Variants in TRPA1 observed in about 807,000 individuals in gnomAD.
TRPA1 encodes ankyrin-like with transmembrane domains 1.
TRPA1 carries 129 observed loss-of-function variants against 131.3 expected under a neutral mutation model. The observed-to-expected ratio is 0.98, with a 90% CI of 0.85 to 1.14. The LOEUF is 1.14. Among genes scored for constraint, TRPA1 ranks in the 50% most tolerant of loss-of-function variants. The pLI is 0.00. For synonymous variants in TRPA1, 441 were observed against 451.7 expected, an observed-to-expected ratio of 0.98 and a Z score of 0.30; for missense variants, 1,304 against 1,354.2, an observed-to-expected ratio of 0.96 and a Z score of 0.58.
At chr8:72,039,585 C>T in intron 18 of TRPA1, 142 bp downstream of exon 18, 2 of 610,794 alleles carry the variant, frequency 3.3e-6, no homozygotes, top group South Asian at 4.2e-5. Flanking sequence ...AGGGCATTTG[C>T]CTTACTTATT....
intron 25 of TRPA1, 87 bp from the exon 26 acceptor site, chr8:72,023,998 G>T: frequency 1.2e-6 from 1 of 845,028 alleles, no homozygotes; most frequent in South Asian, 1.3e-5. Context: ...ACCACCACTG[G>T]TACCAATATG....
At chr8:72,075,261 C>G (rs771116661) in intron 1 of TRPA1, 38 bp downstream of exon 1, 1 of 1,531,240 alleles carries the variant, frequency 6.5e-7, no homozygotes, top group Non-Finnish European at 9.0e-7. Flanking sequence ...CCCGCCCGCA[C>G]GTCGGAACCC....
At chr8:72,061,557 C>T in intron 7 of TRPA1, 68 bp downstream of exon 7, 1 of 1,591,348 alleles carries the variant, frequency 6.3e-7, no homozygotes, top group Admixed American at 1.7e-5. Flanking sequence ...CTAACTGCTC[C>T]TTGCAATGTC....
intron 17 of TRPA1, among the ~76,000 whole-genome samples, chr8:72,043,444 G>A (rs2129434367): frequency 6.6e-6 from 1 of 151,842 alleles, no homozygotes; most frequent in African/African-American, 2.4e-5. Context: ...GGATATAGTA[G>A]TTTATTAAGA....
At chr8:72,029,994 C>T (rs1229482976) in intron 23 of TRPA1, 25 bp from the exon 24 acceptor site, 2 of 1,604,362 alleles carry the variant, frequency 1.2e-6, no homozygotes, top group South Asian at 2.2e-5. Context: ...AAAATTAAAT[C>T]ACTACAGTTG....
rs1420301055 is a variant in TRPA1, at chr8:72,025,104, TCGTGTGTGTGTGTG to T, written c.3051+842_3051+855del. ...TATAGTGGATGCTGTGTGTGTGTGTTCGTGTGTGTGTGTGTGTGTGTGTGTGTGTGTGCGTGCTA... is the reference window on the plus strand; with the variant it reads ...TATAGTGGATGCTGTGTGTGTGTGTTTGTGTGTGTGTGTGTGTGCGTGCTA... On this transcript the variant is annotated intron_variant, in intron 25 of 26. Transcript: ENST00000262209. Among the ~76,000 whole-genome samples, 55 of 125,680 alleles carry T rather than the reference TCGTGTGTGTGTGTG, an allele frequency of 4.4e-4. No homozygotes were observed. The East Asian group carries it at 9.5e-3, about 22-fold the overall frequency. 82.5% of individuals were successfully genotyped at this position (125,680 alleles called of 152,430 possible).
chr8:72,034,750 C>A (rs1296281063), intron 21 of TRPA1, among the ~76,000 whole-genome samples: 1 of 152,112 alleles, frequency 6.6e-6, no homozygotes, highest in Non-Finnish European at 1.5e-5. Context: ...AGGCATCACC[C>A]CCAGGCTGAT....
At chr8:72,030,801 T>C (rs780098166) in intron 23 of TRPA1, among the ~76,000 whole-genome samples, 1 of 152,260 alleles carries the variant, frequency 6.6e-6, no homozygotes, top group South Asian at 2.1e-4. Context: ...ACATATACTA[T>C]AGGGGCAGGA....
intron 1 of TRPA1, among the ~76,000 whole-genome samples, chr8:72,073,232 T>C (rs1263468420): frequency 6.6e-6 from 1 of 152,208 alleles, no homozygotes; most frequent in African/African-American, 2.4e-5. Flanking sequence ...GGCCAAAAGG[T>C]TGGAAACTAA....
the TRPA1 span, among the ~76,000 whole-genome samples, chr8:72,080,714 C>A: frequency 1.3e-5 from 2 of 151,608 alleles, no homozygotes; most frequent in African/African-American, 4.8e-5. Context: ...ATTACTAATT[C>A]AATTTTTATC....
intron 24 of TRPA1, 149 bp downstream of exon 24, chr8:72,029,752 T>C (rs1811740924): frequency 2.4e-6 from 2 of 826,936 alleles, no homozygotes. Flanking sequence ...ATCAGGAGGG[T>C]AAATGGCACA....
chr8:72,050,682 C>T (rs1805479769), intron 15 of TRPA1, 96 bp downstream of exon 15: 8 of 873,256 alleles, frequency 9.2e-6, no homozygotes, highest in South Asian at 5.6e-5. Context: ...AAATGAGAAG[C>T]TTTGTTTAAA....
intron 17 of TRPA1, among the ~76,000 whole-genome samples, chr8:72,045,584 G>A (rs980639612): frequency 2.7e-5 from 4 of 148,596 alleles, no homozygotes; most frequent in African/African-American, 1.0e-4. Context: ...CCCAAATCTA[G>A]ACCAAAATTT....
chr8:72,024,071 A>G (rs1203681652), intron 25 of TRPA1, among the ~76,000 whole-genome samples, 160 bp from the exon 26 acceptor site: 1 of 152,204 alleles, frequency 6.6e-6, no homozygotes, highest in African/African-American at 2.4e-5. Context: ...ACATGTGAAG[A>G]AAGAGCTGTG....
intron 25 of TRPA1, among the ~76,000 whole-genome samples, chr8:72,024,843 G>A (rs1811529567): frequency 6.6e-6 from 1 of 152,108 alleles, no homozygotes; most frequent in Non-Finnish European, 1.5e-5. Context: ...ATCAGTTGGA[G>A]AGATACTGTG....
intron 8 of TRPA1, 98 bp downstream of exon 8, chr8:72,059,292 C>G (rs12548486): frequency 2.3e-6 from 2 of 851,742 alleles, no homozygotes; most frequent in Non-Finnish European, 3.7e-6. Context: ...AGCAAGAAAT[C>G]AAAATTTGCT....
At chr8:72,040,966 T>C (rs1812231054) in intron 17 of TRPA1, among the ~76,000 whole-genome samples, 1 of 152,098 alleles carries the variant, frequency 6.6e-6, no homozygotes, top group African/African-American at 2.4e-5. Flanking sequence ...CTACATGCTC[T>C]TTACAAGAGA....
At chr8:72,052,496 A>G in intron 14 of TRPA1, 103 bp downstream of exon 14, 1 of 1,465,490 alleles carries the variant, frequency 6.8e-7, no homozygotes, top group Non-Finnish European at 9.5e-7. Context: ...TTAAATTTTG[A>G]TTAATGGCTG....
chr8:72,031,033 G>A (rs919752199), intron 23 of TRPA1, among the ~76,000 whole-genome samples: 1 of 152,192 alleles, frequency 6.6e-6, no homozygotes, highest in African/African-American at 2.4e-5. Flanking sequence ...TAAGCTCTAT[G>A]AGACAAGGGA....
Sources: allele counts gnomAD v4.1 joint callset (sites outside exome capture counted in the v4.1 genomes callset), GRCh38; gene constraint gnomAD v4.1.1; transcripts MANE v1.5; gene names NCBI Gene and HGNC (gene_info 2026-07-23, HGNC 2026-07-21).